Variants in ITK observed in about 807,000 individuals in gnomAD.
ITK encodes the protein IL2 inducible T cell kinase.
In ITK, 45 loss-of-function variants were observed where a neutral mutation model predicts 87.6. The observed-to-expected ratio is 0.51, with a 90% CI of 0.40 to 0.66. The LOEUF is 0.66. Among genes scored for constraint, ITK ranks in the 30% least tolerant of loss-of-function variants. ITK has a pLI of 0.00. For missense variants in ITK, 605 were observed against 766.3 expected (o/e 0.79, Z 2.48); for synonymous variants, 303 against 273.6 (o/e 1.11, Z -1.06).
intron 3 of ITK, among the ~76,000 whole-genome samples, chr5:157,212,304 T>C (rs1474219894): frequency 6.6e-6 from 1 of 152,222 alleles, no homozygotes; most frequent in Non-Finnish European, 1.5e-5. Flanking sequence ...AATACTAATC[T>C]GCCTCTACGA....
At chr5:157,195,765 A>G (rs1243168210) in intron 1 of ITK, 2 of 152,238 alleles carry the variant, frequency 1.3e-5, no homozygotes, top group African/African-American at 2.4e-5. Flanking sequence ...TTAACAATGT[A>G]TCCTGGAGAT....
intron 1 of ITK, among the ~76,000 whole-genome samples, chr5:157,196,647 T>A (rs1175403496): frequency 6.6e-6 from 1 of 152,218 alleles, no homozygotes; most frequent in Non-Finnish European, 1.5e-5. Context: ...GTCATAGGGT[T>A]CACAATAATC....
At chr5:157,238,543 C>T (rs889410745) in intron 9 of ITK, among the ~76,000 whole-genome samples, 2 of 152,172 alleles carry the variant, frequency 1.3e-5, no homozygotes, top group Non-Finnish European at 2.9e-5. Context: ...ATATGAACTC[C>T]AGTTCTGGCT....
chr5:157,231,068 G>T (rs1225655708), intron 7 of ITK, among the ~76,000 whole-genome samples: 12 of 152,182 alleles, frequency 7.9e-5, no homozygotes, highest in African/African-American at 2.2e-4. Context: ...AGTTTCAGGT[G>T]AGATCTGCCT....
intron 15 of ITK, among the ~76,000 whole-genome samples, chr5:157,247,016 A>G (rs1483304412): frequency 6.6e-6 from 1 of 152,248 alleles, no homozygotes; most frequent in East Asian, 1.9e-4. Flanking sequence ...AATATACCAG[A>G]CAACCTCTTT....
rs767865636 is a variant in ITK at position 157,241,613 on chromosome 5, A to G, written c.986-33A>G. Reference sequence around the variant, plus strand: ...TAGATGGTTGCTAGAGCAAAGCCCTAACCACTGCTTCTTGGCTTTTCAATC... The same window carrying G: ...TAGATGGTTGCTAGAGCAAAGCCCTGACCACTGCTTCTTGGCTTTTCAATC... On this transcript the variant is annotated intron_variant, in intron 10 of 16. Coordinates refer to ENST00000422843, the MANE Select transcript of ITK (RefSeq NM_005546.4). 9 of 1,526,934 alleles carry G rather than the reference A, an allele frequency of 5.9e-6. No individual in the cohort carries two copies. In the East Asian group the frequency reaches 2.0e-4, roughly 34 times the overall value. 94.6% of individuals were successfully genotyped at this position (1,526,934 alleles called of 1,614,324 possible).
At chr5:157,185,218 C>G (rs58886695) in intron 1 of ITK, among the ~76,000 whole-genome samples, 10 of 151,426 alleles carry the variant, frequency 6.6e-5, no homozygotes, top group African/African-American at 2.2e-4. Context: ...TTATATAATG[C>G]TGTGCAATTC....
chr5:157,244,018 C>T, intron 12 of ITK: 1 of 669,064 alleles, frequency 1.5e-6, no homozygotes. Flanking sequence ...CCCATCTCTC[C>T]TCCAGTCCAT....
At chr5:157,233,234 T>C (rs2113767504) in intron 8 of ITK, among the ~76,000 whole-genome samples, 1 of 152,338 alleles carries the variant, frequency 6.6e-6, no homozygotes, top group South Asian at 2.1e-4. Context: ...TACCCAGCCC[T>C]CATCCTGCCA....
rs2113755851 is a variant in ITK at position 157,214,230 on chromosome 5, C to T, written c.365C>T (p.Pro122Leu). 1 of 1,609,330 alleles carries T rather than the reference C, an allele frequency of 6.2e-7. No individual in the cohort carries two copies. The highest frequency in any genetic ancestry group is 8.5e-7 in the Non-Finnish European group (1 of 1,175,728). Reference protein sequence around the residue: ...NNNSLVPKYHPNFWMDGKWRC... With the variant: ...NNNSLVPKYHLNFWMDGKWRC... ...AACAGTTTGGTGCCTAAATATCATC[C>T]TAATTTCTGGATGGATGGGAAGTGG... Residue 122 changes from proline (P) to leucine (L), a missense_variant, in exon 4 of 17, where the codon CCT (proline) becomes CTT (leucine). By Grantham distance (98) the Pro-to-Leu change is moderately conservative (BLOSUM62 -3). Transcript: ENST00000422843.
At position 157,189,491 on chromosome 5, in the gene ITK, C is replaced by T. The variant is rs1209650292; in HGVS notation, c.138+8376C>T. Among the ~76,000 whole-genome samples the T allele has an allele frequency of 3.9e-5, 6 of 152,182 alleles. No homozygotes were observed. In the East Asian group the frequency reaches 1.2e-3, roughly 29 times the overall value. ...ACTCAGGAGTTTGAGACAAGCCTAG[C>T]CAACATGGCGAAACCCTATCTCTAC... On this transcript the variant is annotated intron_variant, in intron 1 of 16. Coordinates refer to ENST00000422843, the MANE Select transcript of ITK (RefSeq NM_005546.4).
Position 157,240,130 on chromosome 5 carries a change from TG to T in ITK, c.922del (p.Ala308LeufsTer24), listed in dbSNP as rs762956142. 6.2e-7 allele frequency: 1 copy of T among 1,613,732 alleles called. No individual in the cohort carries two copies. The highest frequency in any genetic ancestry group is 8.5e-7 in the Non-Finnish European group (1 of 1,179,582). Reference sequence around the variant, plus strand: ...AATGACAATCCTAAGCGATACTATGTGGCTGAAAAGTATGTGTTCGATTCCA... The same window carrying T: ...AATGACAATCCTAAGCGATACTATGTGCTGAAAAGTATGTGTTCGATTCCA... ...ETNDNPKRYY[V>X]AEKYVFDSIP... On this transcript the variant is annotated frameshift_variant, in exon 10 of 17. Coordinates refer to ENST00000422843, the MANE Select transcript of ITK (RefSeq NM_005546.4). LOFTEE classifies it high-confidence loss of function.
At chr5:157,203,750 T>C (rs182033283) in intron 1 of ITK, among the ~76,000 whole-genome samples, 1 of 152,366 alleles carries the variant, frequency 6.6e-6, no homozygotes, top group Non-Finnish European at 1.5e-5. Flanking sequence ...GAAGATAGTT[T>C]GAGCCCAAAG....
rs78896267 is a variant in ITK at position 157,215,299 on chromosome 5, G to A, written c.454+980G>A. Among the ~76,000 whole-genome samples the A allele has an allele frequency of 2.0e-5, 3 of 152,080 alleles. No individual in the cohort carries two copies. The East Asian group carries it at 5.8e-4, about 29-fold the overall frequency. On this transcript the variant is annotated intron_variant, in intron 4 of 16. Coordinates refer to ENST00000422843, the MANE Select transcript of ITK (RefSeq NM_005546.4). ...CCCTTTCTCATTTATTCTTTTGTGC[G>A]CTAAAACTTAATACTGAAAATTGGC...
intron 1 of ITK, among the ~76,000 whole-genome samples, chr5:157,194,802 T>C (rs141132848): frequency 6.6e-6 from 1 of 152,268 alleles, no homozygotes; most frequent in East Asian, 1.9e-4. Context: ...GTGGAAAAAA[T>C]AAGTCAATTG....
intron 10 of ITK, chr5:157,241,217 T>A (rs1365075827): frequency 6.0e-6 from 1 of 166,308 alleles, no homozygotes; most frequent in East Asian, 1.8e-4. Flanking sequence ...GGATTACAGG[T>A]GTAAGCCACA....
At chr5:157,181,201 A>G in intron 1 of ITK, 86 bp downstream of exon 1, 1 of 1,341,962 alleles carries the variant, frequency 7.5e-7, no homozygotes, top group Non-Finnish European at 1.1e-6. Flanking sequence ...ATAGCATAAA[A>G]TAGAGCACAG....
Position 157,211,342 on chromosome 5 carries a change from A to T in ITK, c.299A>T (p.Gln100Leu), listed in dbSNP as rs1456748977. 1 of 1,614,036 alleles carries T rather than the reference A, an allele frequency of 6.2e-7. No individual in the cohort carries two copies. Among genetic ancestry groups the T allele is most frequent in the Non-Finnish European group, 8.5e-7 (1 of 1,179,976 alleles). ...YVFAPDRESR[Q>L]RWVLALKEET... ...TTTGCTCCAGATCGTGAGAGCCGGC[A>T]GCGCTGGGTGCTGGCCCTTAAAGAA... Residue 100 changes from glutamine (Q) to leucine (L), a missense_variant, in exon 3 of 17, where the codon CAG (glutamine) becomes CTG (leucine). Around this residue, in one of 3 missense-constraint regions of ITK, gnomAD observed 464 missense variants for 578.0 expected, o/e 0.80. Transcript: ENST00000422843.
At chr5:157,210,812 G>T (rs1328711331) in intron 2 of ITK, among the ~76,000 whole-genome samples, 2 of 150,246 alleles carry the variant, frequency 1.3e-5, no homozygotes, top group African/African-American at 2.5e-5. Context: ...GGTTACGTAA[G>T]ATGTCATCAG....
Sources: allele counts gnomAD v4.1 joint callset (sites outside exome capture counted in the v4.1 genomes callset), GRCh38; gene constraint gnomAD v4.1.1; regional missense constraint gnomAD v4.1.1; transcripts MANE v1.5; gene names NCBI Gene and HGNC (gene_info 2026-07-23, HGNC 2026-07-21).